The following PPP1R1C variants were observed in gnomAD, a reference collection of about 807,000 sequenced individuals.
The protein encoded by PPP1R1C is protein phosphatase 1 regulatory subunit 1C.
PPP1R1C carries 15 observed loss-of-function variants against 17.4 expected under a neutral mutation model. That is an observed-to-expected ratio of 0.86 (90% CI 0.58 to 1.33). The LOEUF is 1.33. PPP1R1C is among the 40% of genes most tolerant of loss of function. The pLI, the probability that PPP1R1C is intolerant of heterozygous loss-of-function variation, is 0.00. For synonymous variants in PPP1R1C, 35 were observed against 43.1 expected (o/e 0.81, Z 0.73); for missense variants, 143 against 130.0 (o/e 1.10, Z -0.48).
At chr2:181,994,965 AG>A in intron 2 of PPP1R1C, among the ~76,000 whole-genome samples, 1 of 152,208 alleles carries the variant, frequency 6.6e-6, no homozygotes, top group Admixed American at 6.5e-5. Context: ...CTAGTAGAGT[AG>A]ATGTTAAATG....
upstream of PPP1R1C, among the ~76,000 whole-genome samples, chr2:181,981,403 T>C (rs1366825056): frequency 6.6e-6 from 1 of 152,204 alleles, no homozygotes; most frequent in African/African-American, 2.4e-5. Flanking sequence ...AGGCTTCTTA[T>C]AGCTGTAGAT....
At chr2:182,106,924 A>G (rs1263993138) in intron 4 of PPP1R1C, among the ~76,000 whole-genome samples, 17 of 152,082 alleles carry the variant, frequency 1.1e-4, no homozygotes, top group Admixed American at 1.1e-3. Context: ...CCACACCCCC[A>G]CTGCATGCCC....
intron 1 of PPP1R1C, among the ~76,000 whole-genome samples, chr2:181,968,987 T>A (rs984874962): frequency 6.6e-6 from 1 of 152,156 alleles, no homozygotes; most frequent in African/African-American, 2.4e-5. Flanking sequence ...AAATAAAATC[T>A]GTAAATTTTA....
chr2:182,131,197 A>T (rs1036288800), downstream of PPP1R1C: 3 of 132,518 alleles, frequency 2.3e-5, no homozygotes, highest in African/African-American at 1.1e-4. Flanking sequence ...TTTTCTATTG[A>T]GCAGTGTGTG....
intron 2 of PPP1R1C, among the ~76,000 whole-genome samples, chr2:182,021,453 G>A (rs1053714956): frequency 6.7e-5 from 10 of 150,322 alleles, no homozygotes; most frequent in East Asian, 3.9e-4. Flanking sequence ...TCAGCCTCCC[G>A]AGTAGCTGGG....
intron 2 of PPP1R1C, among the ~76,000 whole-genome samples, chr2:182,054,911 T>C (rs1035279506): frequency 1.8e-4 from 28 of 152,310 alleles, no homozygotes; most frequent in Non-Finnish European, 2.9e-4. Flanking sequence ...TCCACCTGCG[T>C]TGGCCTCCCA....
chr2:181,966,024 G>T lies in PPP1R1C; in HGVS notation n.112-9195G>T, dbSNP rs543891107. 2.0e-5 allele frequency among the ~76,000 whole-genome samples: 3 copies of T among 151,890 alleles called. No individual in the cohort carries two copies. The East Asian group carries it at 5.8e-4, about 29-fold the overall frequency. On this transcript the variant is annotated intron_variant and non_coding_transcript_variant, in intron 1 of 5. Coordinates refer to the PPP1R1C transcript ENST00000464264. ...TCATTGTAAATATTTCACTTCTTTGGTTAAGTTTATTCCCAGGTATTTTAT... is the reference window on the plus strand; with the variant it reads ...TCATTGTAAATATTTCACTTCTTTGTTTAAGTTTATTCCCAGGTATTTTAT...
chr2:182,033,429 C>T (rs10196088), intron 2 of PPP1R1C, among the ~76,000 whole-genome samples: 11,223 of 152,168 alleles, frequency 0.074, 615 homozygotes, highest in East Asian at 0.18. Context: ...TCTGGTTGTC[C>T]CAGAGGCATA....
chr2:182,038,841 A>C (rs1027829076), intron 2 of PPP1R1C, among the ~76,000 whole-genome samples: 6 of 152,248 alleles, frequency 3.9e-5, no homozygotes, highest in Admixed American at 2.6e-4. Flanking sequence ...AACTGCTATA[A>C]GTAACAAGGA....
chr2:182,103,065 G>A (rs1400007), intron 4 of PPP1R1C, among the ~76,000 whole-genome samples: 97,724 of 152,028 alleles, frequency 0.64, 31,621 homozygotes, highest in African/African-American at 0.69. Flanking sequence ...TGGCCTCCCA[G>A]ATTACTGGGA....
At chr2:181,985,013 GC>G (rs916556191), upstream of PPP1R1C, among the ~76,000 whole-genome samples, 1 of 152,076 alleles carries the variant, frequency 6.6e-6, no homozygotes, top group African/African-American at 2.4e-5. The surrounding 1 kb of genome is among the most constrained non-coding windows in gnomAD (Gnocchi z 4.1). Context: ...CCCACTTCAT[GC>G]TTTTTTCAAG....
chr2:182,074,965 G>A (rs1386203394), intron 4 of PPP1R1C, among the ~76,000 whole-genome samples: 1 of 152,142 alleles, frequency 6.6e-6, no homozygotes, highest in Non-Finnish European at 1.5e-5. Flanking sequence ...TTTTGAGGAA[G>A]GTTTACAGTT....
At chr2:182,102,168 G>A (rs67360849) in intron 4 of PPP1R1C, among the ~76,000 whole-genome samples, 58,049 of 151,980 alleles carry the variant, frequency 0.38, 11,488 homozygotes, top group Non-Finnish European at 0.43. Context: ...GTAATTGAGT[G>A]TATGTGTGAA....
At chr2:182,107,825 T>C (rs927786822) in intron 4 of PPP1R1C, among the ~76,000 whole-genome samples, 7 of 152,092 alleles carry the variant, frequency 4.6e-5, no homozygotes, top group Non-Finnish European at 1.0e-4. Flanking sequence ...AGAGAACTTT[T>C]GGACTCCCAC....
chr2:181,980,771 GA>G (rs980406218), intron 2 of PPP1R1C, among the ~76,000 whole-genome samples: 7 of 151,712 alleles, frequency 4.6e-5, no homozygotes, highest in Admixed American at 1.3e-4. Flanking sequence ...CATGGTTAGA[GA>G]AAAAAAATAC....
In PPP1R1C at chr2:181,966,500, A is replaced by T. The variant is rs1949328; in HGVS notation, n.112-8719A>T. Among the ~76,000 whole-genome samples the T allele has an allele frequency of 7.2e-3, 1,090 of 152,202 alleles. 10 individuals carry two copies. Among genetic ancestry groups the T allele is most frequent in the African/African-American group, 0.025 (1,025 of 41,530 alleles). On this transcript the variant is annotated intron_variant and non_coding_transcript_variant, in intron 1 of 5. Transcript: ENST00000464264. ...GTCTTCTATACCCAGTTTTTTTAGT[A>T]TTTTTTTTCATCATAAAAGGATATT...
chr2:182,044,832 C>G (rs1687293901), intron 2 of PPP1R1C, among the ~76,000 whole-genome samples: 1 of 152,180 alleles, frequency 6.6e-6, no homozygotes, highest in Non-Finnish European at 1.5e-5. Context: ...ATATAAGACA[C>G]AGATTATCAT....
At chr2:182,072,015 A>G (rs1688154658) in intron 4 of PPP1R1C, among the ~76,000 whole-genome samples, 1 of 152,230 alleles carries the variant, frequency 6.6e-6, no homozygotes, top group African/African-American at 2.4e-5. Context: ...TATTTGAGTC[A>G]GTATTCTACA....
intron 2 of PPP1R1C, among the ~76,000 whole-genome samples, chr2:182,013,071 A>C (rs12053374): frequency 0.33 from 49,712 of 152,004 alleles, 9,777 homozygotes; most frequent in Non-Finnish European, 0.42. Context: ...CACCATAGTT[A>C]CAGTGTCATA....
Sources: gnomAD v4.1 joint callset for allele counts (sites outside exome capture counted in the v4.1 genomes callset) on GRCh38, gnomAD v4.1.1 for gene constraint, Gnocchi (gnomAD v3.1) non-coding constraint, MANE v1.5 for transcripts, NCBI Gene and HGNC (gene_info 2026-07-23, HGNC 2026-07-21) for gene names.